DCLK1: variants seen among roughly 807,000 people sequenced by gnomAD.
The protein encoded by DCLK1 is serine/threonine-protein kinase DCLK1.
DCLK1 carries 16 observed loss-of-function variants against 86.2 expected under a neutral mutation model. The ratio of observed to expected loss-of-function variants is 0.19; its 90% CI spans 0.13 to 0.28. DCLK1 has a LOEUF of 0.28. Ranked by LOEUF, DCLK1 falls within the 10% of genes least tolerant of loss-of-function variation. The pLI is 1.00. For synonymous variants in DCLK1, 369 were observed against 370.5 expected (o/e 1.00, Z 0.05); for missense variants, 590 against 940.2 (o/e 0.63, Z 4.87).
intron 14 of DCLK1, among the ~76,000 whole-genome samples, chr13:35,807,732 A>G (rs1228800277): frequency 6.6e-6 from 1 of 152,264 alleles, no homozygotes. Flanking sequence ...ATAGGTAGTT[A>G]GATAGCACAC....
chr13:35,783,043 T>C (rs1483638399), intron 16 of DCLK1, among the ~76,000 whole-genome samples: 2 of 152,286 alleles, frequency 1.3e-5, no homozygotes, highest in African/African-American at 2.4e-5. Context: ...TGGCCATAGT[T>C]TGCCAAGCCC....
At chr13:35,838,713 G>T (rs1415844071) in intron 7 of DCLK1, among the ~76,000 whole-genome samples, 1 of 152,166 alleles carries the variant, frequency 6.6e-6, no homozygotes, top group Non-Finnish European at 1.5e-5. Context: ...ACAGTCAAAA[G>T]AATAAATTGT....
At chr13:35,927,294 CCTT>C (rs1158684363) in intron 4 of DCLK1, among the ~76,000 whole-genome samples, 1 of 152,164 alleles carries the variant, frequency 6.6e-6, no homozygotes, top group Non-Finnish European at 1.5e-5. Flanking sequence ...ATAAGTCCAT[CCTT>C]CTCAATGGCT....
Position 36,056,042 on chromosome 13 carries a change from G to A in DCLK1, c.723+55827C>T, listed in dbSNP as rs536910204. On this transcript the variant is annotated intron_variant, in intron 3 of 16. Transcript: ENST00000360631. ...GGGACTGTAAACTAGTTCAACCATT[G>A]TGGAAGTCAGTGTGGCGATTCCTCA... Among the ~76,000 whole-genome samples, 837 of 148,594 alleles carry A rather than the reference G, an allele frequency of 5.6e-3. 9 individuals are homozygous for A. Among genetic ancestry groups the A allele is most frequent in the African/African-American group, 0.02 (790 of 40,140 alleles).
At chr13:36,001,865 T>C (rs1243840834) in intron 3 of DCLK1, among the ~76,000 whole-genome samples, 5 of 152,190 alleles carry the variant, frequency 3.3e-5, no homozygotes, top group African/African-American at 9.6e-5. Context: ...AAGCCCATCA[T>C]TGTACAGATC....
chr13:35,778,033 C>T (rs905773937), intron 16 of DCLK1, among the ~76,000 whole-genome samples: 3 of 152,232 alleles, frequency 2.0e-5, no homozygotes, highest in Non-Finnish European at 4.4e-5. Context: ...TCACAGCACA[C>T]AGTAGATATT....
chr13:35,889,411 T>C (rs1240771926), intron 4 of DCLK1, among the ~76,000 whole-genome samples: 1 of 151,990 alleles, frequency 6.6e-6, no homozygotes, highest in African/African-American at 2.4e-5. Context: ...AAATTAGGAG[T>C]TAGGGGCTCT....
At chr13:35,891,716 C>T (rs1383277256) in intron 4 of DCLK1, among the ~76,000 whole-genome samples, 2 of 152,152 alleles carry the variant, frequency 1.3e-5, no homozygotes, top group African/African-American at 4.8e-5. Context: ...TTTGTCACCA[C>T]ACTGTCATAG....
At chr13:36,070,291 G>T (rs1184221086) in intron 3 of DCLK1, among the ~76,000 whole-genome samples, 1 of 152,098 alleles carries the variant, frequency 6.6e-6, no homozygotes, top group Non-Finnish European at 1.5e-5. Context: ...TCACGGGATG[G>T]TTCTGAGAAT....
intron 2 of DCLK1, among the ~76,000 whole-genome samples, chr13:36,118,715 A>G (rs917375181): frequency 4.6e-5 from 7 of 152,120 alleles, no homozygotes; most frequent in African/African-American, 1.7e-4. Flanking sequence ...GGGTGATGTT[A>G]AGTTATGTGA....
intron 3 of DCLK1, among the ~76,000 whole-genome samples, chr13:36,055,110 G>C (rs1038237930): frequency 1.3e-5 from 2 of 152,184 alleles, no homozygotes; most frequent in African/African-American, 2.4e-5. Flanking sequence ...AAAGAGATTA[G>C]AGAGGACTCA....
At chr13:35,886,649 A>C (rs905819203) in intron 4 of DCLK1, among the ~76,000 whole-genome samples, 1 of 152,190 alleles carries the variant, frequency 6.6e-6, no homozygotes, top group Non-Finnish European at 1.5e-5. Flanking sequence ...TCGTTGAAGA[A>C]AGCAGCATGA....
chr13:35,898,590 A>C (rs1441262208), intron 4 of DCLK1, among the ~76,000 whole-genome samples: 2 of 152,238 alleles, frequency 1.3e-5, no homozygotes, highest in African/African-American at 4.8e-5. Context: ...GATTTAAAGG[A>C]AATTGTGAAT....
At chr13:35,840,205 G>A (rs942878705) in intron 6 of DCLK1, among the ~76,000 whole-genome samples, 1 of 152,134 alleles carries the variant, frequency 6.6e-6, no homozygotes, top group African/African-American at 2.4e-5. Context: ...CTGCTTACCT[G>A]TTTCCCTTCA....
intron 3 of DCLK1, among the ~76,000 whole-genome samples, chr13:36,071,605 G>T (rs1383017496): frequency 6.6e-6 from 1 of 152,184 alleles, no homozygotes; most frequent in African/African-American, 2.4e-5. Context: ...GGTGTTAGAT[G>T]CTGGACTAGG....
chr13:35,819,064 C>T (rs1337574486), intron 11 of DCLK1, among the ~76,000 whole-genome samples: 1 of 152,110 alleles, frequency 6.6e-6, no homozygotes, highest in Non-Finnish European at 1.5e-5. Context: ...CATTCACTCA[C>T]TCACTCCACT....
chr13:35,922,130 T>C (rs913933925), intron 4 of DCLK1, among the ~76,000 whole-genome samples: 1 of 152,198 alleles, frequency 6.6e-6, no homozygotes, highest in African/African-American at 2.4e-5. Context: ...TCACTTGAGT[T>C]GAATCAGGGC....
intron 6 of DCLK1, chr13:35,849,415 C>G (rs1870445046): frequency 8.1e-6 from 8 of 985,102 alleles, no homozygotes; most frequent in Non-Finnish European, 9.6e-6. Context: ...TAATTTATCA[C>G]CTACTGAGAT....
At chr13:35,847,375 C>A (rs1001149800) in intron 6 of DCLK1, 11 of 985,084 alleles carry the variant, frequency 1.1e-5, no homozygotes, top group Non-Finnish European at 1.3e-5. Flanking sequence ...GGCTGTATCA[C>A]AAATACTATA....
Sources: gnomAD v4.1 joint callset for allele counts (sites outside exome capture counted in the v4.1 genomes callset) on GRCh38, gnomAD v4.1.1 for gene constraint, MANE v1.5 for transcripts, NCBI Gene and HGNC (gene_info 2026-07-23, HGNC 2026-07-21) for gene names.